The following CPLX4 variants were observed in gnomAD, a reference collection of about 807,000 sequenced individuals.
CPLX4 encodes complexin 4, also known as complexin-4.
CPLX4 carries 17 observed loss-of-function variants against 16.1 expected under a neutral mutation model. The observed-to-expected ratio is 1.06, with a 90% CI of 0.72 to 1.59. The LOEUF is 1.59. Ranked by LOEUF, CPLX4 falls within the 40% of genes most tolerant of loss-of-function variation. The pLI is 0.00. For synonymous variants in CPLX4, 55 were observed against 57.8 expected (o/e 0.95, Z 0.22); for missense variants, 193 against 192.9 (o/e 1.00, Z 0.00).
rs1027462910 is a variant in CPLX4 at position 59,296,508 on chromosome 18, C to T, written c.*190G>A. 1 of 624,976 alleles carries T rather than the reference C, an allele frequency of 1.6e-6. No individual in the cohort carries two copies. The highest frequency in any genetic ancestry group is 2.8e-6 in the Non-Finnish European group (1 of 361,948). 38.7% of individuals were successfully genotyped at this position (624,976 alleles called of 1,614,324 possible). A position where few individuals can be genotyped will look rare whatever the true frequency, so the allele number is the denominator to read the frequency against. On this transcript the variant is annotated 3_prime_UTR_variant, in exon 3 of 3. Coordinates refer to ENST00000299721, the MANE Select transcript of CPLX4 (RefSeq NM_181654.4). ...TTATAACTAAAAGGAAAGTAAGGTT[C>T]CCGCTGCAAGGTGTTAGCTAAATGC...
intron 2 of CPLX4, 60 bp from the exon 3 acceptor site, chr18:59,296,985 A>C: frequency 6.4e-7 from 1 of 1,550,882 alleles, no homozygotes; most frequent in South Asian, 1.2e-5. Context: ...CACTAACTAA[A>C]TAAATTTTAA....
chr18:59,314,558 T>G (rs1056366154), intron 1 of CPLX4, among the ~76,000 whole-genome samples: 1 of 152,122 alleles, frequency 6.6e-6, no homozygotes, highest in Non-Finnish European at 1.5e-5. Flanking sequence ...AGCACACCAT[T>G]CAATGATTCC....
At chr18:59,297,225 C>T (rs1428275186) in intron 2 of CPLX4, among the ~76,000 whole-genome samples, 1 of 152,026 alleles carries the variant, frequency 6.6e-6, no homozygotes, top group Non-Finnish European at 1.5e-5. Context: ...TCTTGGGCCC[C>T]ATCCCAGACC....
chr18:59,312,624 A>C (rs936815937), intron 2 of CPLX4, 61 bp downstream of exon 2: 1 of 763,718 alleles, frequency 1.3e-6, no homozygotes, highest in African/African-American at 1.7e-5. Flanking sequence ...GTGGATAATC[A>C]ACCATGACTT....
rs555890067 is a variant in CPLX4, at chr18:59,299,199, G to A, written c.256-2274C>T. Among the ~76,000 whole-genome samples the A allele has an allele frequency of 5.9e-5, 9 of 152,184 alleles. 1 individual carries two copies. Among genetic ancestry groups the A allele is most frequent in the Non-Finnish European group, 1.3e-4 (9 of 68,034 alleles). ...TTATTTTTTATTTGCCTTCCCTAGC[G>A]GCTGCTTTCCTTGCTGATCGTCTTC... On this transcript the variant is annotated intron_variant, in intron 2 of 2. Transcript: ENST00000299721.
intron 1 of CPLX4, among the ~76,000 whole-genome samples, chr18:59,315,543 A>C (rs1273957941): frequency 1.3e-5 from 2 of 152,150 alleles, no homozygotes; most frequent in African/African-American, 4.8e-5. Context: ...TGAATTTATC[A>C]TTTAATAATT....
intron 2 of CPLX4, among the ~76,000 whole-genome samples, chr18:59,304,924 AGTGTGTGTGT>A (rs56041280): frequency 0.022 from 3,182 of 142,226 alleles, 90 homozygotes; most frequent in African/African-American, 0.066. Context: ...CTCAACAATC[AGTGTGTGTGT>A]GTGTGTGTGT....
intron 1 of CPLX4, among the ~76,000 whole-genome samples, chr18:59,314,236 G>T (rs939315774): frequency 9.2e-5 from 14 of 152,146 alleles, no homozygotes; most frequent in African/African-American, 3.1e-4. Context: ...GCATGGACAA[G>T]CAGCAGACCT....
chr18:59,299,785 G>T (rs995933595), intron 2 of CPLX4, among the ~76,000 whole-genome samples: 1 of 152,170 alleles, frequency 6.6e-6, no homozygotes, highest in Non-Finnish European at 1.5e-5. Flanking sequence ...GGTTCTCCAG[G>T]ACAACAGCAT....
At chr18:59,297,384 C>A (rs2144176697) in intron 2 of CPLX4, among the ~76,000 whole-genome samples, 1 of 151,928 alleles carries the variant, frequency 6.6e-6, no homozygotes, top group East Asian at 1.9e-4. Context: ...TCAAGCAATT[C>A]TCCTGCCTCA....
chr18:59,302,581 T>C (rs1246856440), intron 2 of CPLX4, among the ~76,000 whole-genome samples: 2 of 152,248 alleles, frequency 1.3e-5, no homozygotes, highest in African/African-American at 4.8e-5. Flanking sequence ...TGCCAGCTGA[T>C]GAGAATCCGT....
chr18:59,306,197 T>C (rs1191145728), intron 2 of CPLX4, among the ~76,000 whole-genome samples: 1 of 152,154 alleles, frequency 6.6e-6, no homozygotes, highest in East Asian at 1.9e-4. Context: ...GAGAGGCCAA[T>C]CAAGAAGGAG....
At chr18:59,297,532 G>A (rs1024094934) in intron 2 of CPLX4, among the ~76,000 whole-genome samples, 9 of 151,974 alleles carry the variant, frequency 5.9e-5, no homozygotes, top group South Asian at 2.1e-4. Context: ...CAACCACCCC[G>A]GCCTCCCAAA....
chr18:59,315,294 A>G (rs2070644424), intron 1 of CPLX4, among the ~76,000 whole-genome samples: 1 of 152,122 alleles, frequency 6.6e-6, no homozygotes, highest in African/African-American at 2.4e-5. Flanking sequence ...GCAGCTTTTC[A>G]TGTAATTTCC....
At chr18:59,301,517 C>T (rs939736508) in intron 2 of CPLX4, among the ~76,000 whole-genome samples, 1 of 152,222 alleles carries the variant, frequency 6.6e-6, no homozygotes, top group African/African-American at 2.4e-5. Flanking sequence ...TTACTCTGGG[C>T]TGCAGCCTGT....
At position 59,318,303 on chromosome 18, in the gene CPLX4, C is replaced by A; in HGVS notation, c.160G>T (p.Glu54Ter). 6.2e-7 allele frequency: 1 copy of A among 1,606,956 alleles called. No homozygotes were observed. Among genetic ancestry groups the A allele is most frequent in the Non-Finnish European group, 8.5e-7 (1 of 1,177,356 alleles). The change falls in exon 1 of 3, where the codon GAG becomes TAG. Residue 54 changes from glutamate (E) to a stop codon, truncating the protein, a stop_gained. Coordinates refer to ENST00000299721, the MANE Select transcript of CPLX4 (RefSeq NM_181654.4). LOFTEE classifies it high-confidence loss of function. ...EYEEYQKQMI[E>*]EKMERDAAFT... ...GAAATAGCATGTACTCACTTCTCCT[C>A]AATCATTTGCTTTTGATACTCCTCA...
At chr18:59,300,308 G>A (rs944516113) in intron 2 of CPLX4, among the ~76,000 whole-genome samples, 4 of 152,048 alleles carry the variant, frequency 2.6e-5, no homozygotes, top group Admixed American at 6.6e-5. Flanking sequence ...ACTCCAGCCC[G>A]GGCAAAAGAG....
intron 2 of CPLX4, among the ~76,000 whole-genome samples, chr18:59,299,742 A>G (rs1032342522): frequency 5.3e-5 from 8 of 152,164 alleles, no homozygotes; most frequent in African/African-American, 1.9e-4. Flanking sequence ...CCTAACTTTT[A>G]TCAAAGTGGT....
At chr18:59,298,226 A>G (rs2070516297) in intron 2 of CPLX4, among the ~76,000 whole-genome samples, 1 of 152,004 alleles carries the variant, frequency 6.6e-6, no homozygotes, top group African/African-American at 2.4e-5. Flanking sequence ...AGTAGCTGGG[A>G]CTACAGGTAT....
Sources: allele counts gnomAD v4.1 joint callset (sites outside exome capture counted in the v4.1 genomes callset), GRCh38; gene constraint gnomAD v4.1.1; transcripts MANE v1.5; gene names NCBI Gene and HGNC (gene_info 2026-07-23, HGNC 2026-07-21).